The following PRKCB variants were observed in gnomAD, a reference collection of about 807,000 sequenced individuals.
PRKCB encodes the protein protein kinase C beta, also known as protein kinase C beta type.
In PRKCB, 13 loss-of-function variants were observed where a neutral mutation model predicts 81.5. The ratio of observed to expected loss-of-function variants is 0.16; its 90% CI spans 0.10 to 0.25. PRKCB has a LOEUF of 0.25. Among genes scored for constraint, PRKCB ranks in the 10% least tolerant of loss-of-function variants. PRKCB has a pLI of 1.00. For missense variants in PRKCB, 509 were observed against 875.7 expected, an observed-to-expected ratio of 0.58 and a Z score of 5.29; for synonymous variants, 335 against 321.4, an observed-to-expected ratio of 1.04 and a Z score of -0.45.
chr16:24,040,994 C>T (rs1179079829), intron 5 of PRKCB, among the ~76,000 whole-genome samples: 1 of 152,044 alleles, frequency 6.6e-6, no homozygotes, highest in African/African-American at 2.4e-5. Flanking sequence ...ATGTCCAGAT[C>T]AGAGTTGTAA....
chr16:24,209,615 T>A (rs1056344201), intron 16 of PRKCB, among the ~76,000 whole-genome samples: 8 of 151,894 alleles, frequency 5.3e-5, no homozygotes, highest in African/African-American at 1.7e-4. Flanking sequence ...CATCAGCAAA[T>A]CTTGTCAACT....
intron 2 of PRKCB, among the ~76,000 whole-genome samples, chr16:23,852,552 CATCAGGG>C (rs1298260329): frequency 1.3e-5 from 2 of 152,122 alleles, no homozygotes; most frequent in African/African-American, 4.8e-5. Flanking sequence ...CATCTATGTT[CATCAGGG>C]ATATTGGTTT....
At chr16:23,954,023 C>T (rs925352998) in intron 2 of PRKCB, among the ~76,000 whole-genome samples, 2 of 152,024 alleles carry the variant, frequency 1.3e-5, no homozygotes, top group Admixed American at 1.3e-4. Flanking sequence ...CACCCACCAC[C>T]ATGCCCGGCT....
chr16:24,001,476 G>A (rs1473477478), intron 3 of PRKCB, among the ~76,000 whole-genome samples: 1 of 152,122 alleles, frequency 6.6e-6, no homozygotes, highest in African/African-American at 2.4e-5. Flanking sequence ...TTGAAGATTT[G>A]ATAAAACAGA....
intron 2 of PRKCB, among the ~76,000 whole-genome samples, chr16:23,902,780 T>TCCTTCCTTCCTTCCTCCCTCCCTC (rs1567307987): frequency 3.7e-5 from 1 of 27,396 alleles, no homozygotes; most frequent in African/African-American, 1.7e-4. Flanking sequence ...CTTCCTTCCT[T>TCCTTCCTTCCTTCCTCCCTCCCTC]CCTCCCTCCC....
intron 2 of PRKCB, among the ~76,000 whole-genome samples, chr16:23,975,445 G>A (rs2141807079): frequency 6.6e-6 from 1 of 152,244 alleles, no homozygotes; most frequent in East Asian, 1.9e-4. Flanking sequence ...CTAAATCGCT[G>A]TTGCATCAGC....
intron 2 of PRKCB, among the ~76,000 whole-genome samples, chr16:23,853,922 A>G (rs1027531844): frequency 2.3e-5 from 2 of 87,128 alleles, no homozygotes. Flanking sequence ...ACAATTCAGC[A>G]TGGCTGGGGA....
At chr16:23,927,558 A>G (rs1963913759) in intron 2 of PRKCB, among the ~76,000 whole-genome samples, 1 of 152,094 alleles carries the variant, frequency 6.6e-6, no homozygotes, top group African/African-American at 2.4e-5. Context: ...TGAATTTCAC[A>G]GTGACAAGGC....
chr16:23,976,975 TA>T (rs2141808944), intron 2 of PRKCB, among the ~76,000 whole-genome samples: 1 of 152,358 alleles, frequency 6.6e-6, no homozygotes, highest in South Asian at 2.1e-4. Context: ...CTTAGTTAAA[TA>T]AATTTGGTAA....
At chr16:23,970,742 G>A (rs1351477491) in intron 2 of PRKCB, among the ~76,000 whole-genome samples, 1 of 152,214 alleles carries the variant, frequency 6.6e-6, no homozygotes, top group Non-Finnish European at 1.5e-5. Flanking sequence ...CTCAAAAGGT[G>A]TTTGCTGAAC....
At position 24,208,072 on chromosome 16, in the gene PRKCB, A is replaced by C. The variant is rs553875294; in HGVS notation, c.1864-6586A>C. Reference sequence around the variant, plus strand: ...TTTGGGCAATGGGGAGCTATTGCAGATAAGAGCAGGGAAATGGCATACTCC... The same window carrying C: ...TTTGGGCAATGGGGAGCTATTGCAGCTAAGAGCAGGGAAATGGCATACTCC... On this transcript the variant is annotated intron_variant, in intron 16 of 16. Transcript: ENST00000643927. 72 of 152,462 alleles carry C rather than the reference A, an allele frequency of 4.7e-4. 1 individual carries two copies. Among genetic ancestry groups the C allele is most frequent in the African/African-American group, 1.6e-3 (67 of 41,570 alleles). 9.4% of individuals were successfully genotyped at this position (152,462 alleles called of 1,614,324 possible).
intron 2 of PRKCB, among the ~76,000 whole-genome samples, chr16:23,961,024 T>G (rs1408585151): frequency 6.6e-6 from 1 of 152,244 alleles, no homozygotes; most frequent in Non-Finnish European, 1.5e-5. Flanking sequence ...ATTTCTTTCC[T>G]TTTTCATTAA....
intron 2 of PRKCB, among the ~76,000 whole-genome samples, chr16:23,844,767 A>G (rs1404080451): frequency 2.0e-5 from 3 of 150,184 alleles, no homozygotes; most frequent in Non-Finnish European, 3.0e-5. Flanking sequence ...TCGGTCTCCC[A>G]AAGTGCTGAG....
At chr16:23,886,613 A>T (rs568768000) in intron 2 of PRKCB, among the ~76,000 whole-genome samples, 2 of 151,770 alleles carry the variant, frequency 1.3e-5, no homozygotes, top group East Asian at 1.9e-4. Context: ...AGGTTTCACT[A>T]TGTTGGCCAG....
At chr16:24,078,252 G>C (rs1186009733) in intron 5 of PRKCB, among the ~76,000 whole-genome samples, 1 of 152,224 alleles carries the variant, frequency 6.6e-6, no homozygotes, top group Non-Finnish European at 1.5e-5. Flanking sequence ...AGAGGGGGCT[G>C]TTGAGCACCT....
At chr16:24,077,181 T>A (rs1047456816) in intron 5 of PRKCB, among the ~76,000 whole-genome samples, 1 of 152,028 alleles carries the variant, frequency 6.6e-6, no homozygotes, top group Admixed American at 6.5e-5. Flanking sequence ...AAGATGCACA[T>A]GCACGTGTGT....
At chr16:24,028,800 T>G (rs1965514997) in intron 3 of PRKCB, among the ~76,000 whole-genome samples, 1 of 151,448 alleles carries the variant, frequency 6.6e-6, no homozygotes, top group Admixed American at 6.6e-5. Flanking sequence ...TGGATATGGT[T>G]GTTGTTTTTT....
chr16:24,083,115 T>A (rs1213780901), intron 5 of PRKCB, among the ~76,000 whole-genome samples: 4 of 152,136 alleles, frequency 2.6e-5, no homozygotes. Context: ...GAAATGCAAA[T>A]TAAAACCACA....
At chr16:23,986,625 A>G (rs757147539) in intron 2 of PRKCB, among the ~76,000 whole-genome samples, 1 of 152,162 alleles carries the variant, frequency 6.6e-6, no homozygotes, top group South Asian at 2.1e-4. Flanking sequence ...CAATTTCTCA[A>G]TATCAATAAT....
Sources: allele counts gnomAD v4.1 joint callset (sites outside exome capture counted in the v4.1 genomes callset), GRCh38; gene constraint gnomAD v4.1.1; transcripts MANE v1.5; gene names NCBI Gene and HGNC (gene_info 2026-07-23, HGNC 2026-07-21).